The following SAMD10 variants were observed in gnomAD, a reference collection of about 807,000 sequenced individuals.
The protein encoded by SAMD10 is sterile alpha motif domain-containing protein 10.
A neutral mutation model predicts 22.5 loss-of-function variants in SAMD10; 16 were observed. The ratio of observed to expected loss-of-function variants is 0.71; its 90% CI spans 0.48 to 1.08. SAMD10 has a LOEUF of 1.08. Ranked by LOEUF, SAMD10 falls within the 50% of genes least tolerant of loss-of-function variation. The probability of loss-of-function intolerance (pLI) is 0.00; values close to 1 mark genes in which losing one functional copy is unlikely to be tolerated. For missense variants in SAMD10, 227 were observed against 281.3 expected (o/e 0.81, Z 1.38); for synonymous variants, 118 against 122.2 (o/e 0.97, Z 0.23).
chr20:63,978,184 C>G (rs1035641703), intron 1 of SAMD10: 3 of 600,830 alleles, frequency 5.0e-6, no homozygotes, highest in East Asian at 1.3e-4. Context: ...CCTCTTCCCA[C>G]AGTAACTGCA....
chr20:63,976,277 G>A (rs1378331274), intron 3 of SAMD10, among the ~76,000 whole-genome samples: 1 of 152,182 alleles, frequency 6.6e-6, no homozygotes, highest in East Asian at 1.9e-4. Flanking sequence ...CGGGCACAGA[G>A]AGACTCGGAG....
chr20:63,977,148 G>A lies in SAMD10; in HGVS notation c.274-6C>T. On this transcript the variant is annotated splice_polypyrimidine_tract_variant and splice_region_variant and intron_variant, in intron 2 of 4. Coordinates refer to ENST00000369886, the MANE Select transcript of SAMD10 (RefSeq NM_080621.5). This position sits in a 1 kb window ranked among gnomAD's most constrained non-coding sequence, Gnocchi z 5.4. ...TGGTCAGAGTACAGCCGGCCCTGCA[G>A]GGGAGGGGCGTGGCAGGCAGAGTGA... 1 of 1,613,370 alleles carries A rather than the reference G, an allele frequency of 6.2e-7. No homozygotes were observed. Among genetic ancestry groups the A allele is most frequent in the Non-Finnish European group, 8.5e-7 (1 of 1,179,352 alleles).
intron 1 of SAMD10, chr20:63,978,442 G>A: frequency 2.0e-6 from 1 of 496,882 alleles, no homozygotes; most frequent in Admixed American, 2.8e-5. Context: ...CAGGGCAGGT[G>A]AGGTTCCCAC....
intron 1 of SAMD10, chr20:63,978,220 C>T (rs1480413944): frequency 1.1e-6 from 1 of 872,648 alleles, no homozygotes; most frequent in East Asian, 6.2e-5. Flanking sequence ...TGAGCTTTGT[C>T]ATCATCTCTG....
At position 63,975,402 on chromosome 20, in the gene SAMD10, C is replaced by T; in HGVS notation, c.*108G>A. 6 of 1,423,602 alleles carry T rather than the reference C, an allele frequency of 4.2e-6. No homozygotes were observed. The highest frequency in any genetic ancestry group is 4.9e-6 in the Non-Finnish European group (5 of 1,027,752). The allele number at this position is 1,423,602 out of a possible 1,614,324, so 88.2% of individuals were successfully genotyped here. On this transcript the variant is annotated 3_prime_UTR_variant, in exon 5 of 5. Transcript: ENST00000369886. ...CTGTCCGTTGGGCCAGCCTGGCCGC[C>T]CCGGCATCCCGCAGGGTCCAAGAGG...
At position 63,979,011 on chromosome 20, in the gene SAMD10, G is replaced by A. The variant is rs1311809024; in HGVS notation, c.91+366C>T. Among the ~76,000 whole-genome samples, 1 of 152,196 alleles carries A rather than the reference G, an allele frequency of 6.6e-6. No homozygotes were observed. The highest frequency in any genetic ancestry group is 2.4e-5 in the African/African-American group (1 of 41,448). ...CGCCCCAACGTCAGGATTCCAGAAG[G>A]AAATGGGGCGGGGGCACCGAGGCGG... On this transcript the variant is annotated intron_variant, in intron 1 of 4. Coordinates refer to ENST00000369886, the MANE Select transcript of SAMD10 (RefSeq NM_080621.5). This position sits in a 1 kb window ranked among gnomAD's most constrained non-coding sequence, Gnocchi z 7.7.
upstream of SAMD10, chr20:63,979,906 C>T (rs2059052858): frequency 6.4e-6 from 1 of 155,330 alleles, no homozygotes; most frequent in African/African-American, 2.4e-5. The surrounding 1 kb of genome is among the most constrained non-coding windows in gnomAD (Gnocchi z 7.7). Flanking sequence ...TCCTCGGTCT[C>T]CTACGTCTTT....
chr20:63,976,483 C>G (rs1302619271), intron 3 of SAMD10, among the ~76,000 whole-genome samples: 1 of 150,908 alleles, frequency 6.6e-6, no homozygotes, highest in African/African-American at 2.4e-5. Flanking sequence ...GCAGAGAGGT[C>G]CGGACGCAGT....
In SAMD10 at chr20:63,975,424, G is replaced by C. The variant is rs2059015096; in HGVS notation, c.*86C>G. The stretch of plus-strand genomic sequence containing the variant: ...CGCCCCGGCATCCCGCAGGGTCCAA[G>C]AGGCGCTGCGGGGCCAGCTTGGCCT... On this transcript the variant is annotated 3_prime_UTR_variant, in exon 5 of 5. Transcript: ENST00000369886. 2 of 1,557,958 alleles carry C rather than the reference G, an allele frequency of 1.3e-6. No homozygotes were observed. Among genetic ancestry groups the C allele is most frequent in the African/African-American group, 1.4e-5 (1 of 73,348 alleles).
rs1351557628 is a variant in SAMD10, at chr20:63,978,295, A to C, written c.92-889T>G. On this transcript the variant is annotated intron_variant, in intron 1 of 4. Transcript: ENST00000369886. ...GATCCAGGTCTGGTTACAGAGGGGC[A>C]CCCCACATTCATTGTCAATGAATGA... 5 of 1,302,728 alleles carry C rather than the reference A, an allele frequency of 3.8e-6. No homozygotes were observed. The South Asian group carries it at 6.2e-5, about 16-fold the overall frequency. 80.7% of individuals were successfully genotyped at this position (1,302,728 alleles called of 1,614,324 possible). A position where few individuals can be genotyped will look rare whatever the true frequency, so the allele number is the denominator to read the frequency against.
At position 63,977,327 on chromosome 20, in the gene SAMD10, C is replaced by T; in HGVS notation, c.171G>A (p.Arg57=). Residue 57 remains arginine, a synonymous_variant, in exon 2 of 5, where the codon CGG becomes CGA. Transcript: ENST00000369886. This position sits in a 1 kb window ranked among gnomAD's most constrained non-coding sequence, Gnocchi z 5.4. ...GCCACGTGAGGCTGGTGCCAGGTGT[C>T]CGAGGCAAGTGGCAGGGGATGCTCT... ...SAESIPCHLP[R]TPGTSLTWHD... 6.2e-7 allele frequency: 1 copy of T among 1,613,484 alleles called. No individual in the cohort carries two copies. The highest frequency in any genetic ancestry group is 8.5e-7 in the Non-Finnish European group (1 of 1,180,028).
chr20:63,976,412 C>T (rs777788509), intron 3 of SAMD10, among the ~76,000 whole-genome samples: 11 of 151,670 alleles, frequency 7.3e-5, no homozygotes, highest in African/African-American at 1.7e-4. Flanking sequence ...AAGGCAGGGA[C>T]GGAACAGAGA....
rs950224406 is a variant in SAMD10 at position 63,975,945 on chromosome 20, G to A, written c.446-113C>T. 1.5e-5 allele frequency: 18 copies of A among 1,200,478 alleles called. 1 individual carries two copies. In the South Asian group the frequency reaches 2.9e-4, roughly 19 times the overall value. The allele number at this position is 1,200,478 out of a possible 1,614,324, so 74.4% of individuals were successfully genotyped here. ...CCCAGCACTTTGGGAGGCCGAGGCG[G>A]GCAGATCACTTGAGGTCAGGAGTTC... On this transcript the variant is annotated intron_variant, in intron 3 of 4. Transcript: ENST00000369886.
At chr20:63,976,468 G>A (rs2059022916) in intron 3 of SAMD10, among the ~76,000 whole-genome samples, 1 of 151,646 alleles carries the variant, frequency 6.6e-6, no homozygotes, top group Admixed American at 6.6e-5. Context: ...AGACACAGAA[G>A]AAAGGCAGAG....
chr20:63,976,041 T>C (rs1601497856), intron 3 of SAMD10, among the ~76,000 whole-genome samples: 1 of 152,164 alleles, frequency 6.6e-6, no homozygotes, highest in African/African-American at 2.4e-5. Context: ...GGCTTGGTGG[T>C]GTGCGCCTGT....
intron 3 of SAMD10, among the ~76,000 whole-genome samples, chr20:63,976,187 A>AGAC (rs1555914997): frequency 3.3e-5 from 5 of 151,714 alleles, no homozygotes; most frequent in Non-Finnish European, 7.4e-5. Flanking sequence ...ACAAACAAAC[A>AGAC]AACAAACAAC....
rs755869051 is a variant in SAMD10, at chr20:63,977,307, G to T, written c.191C>A (p.Thr64Lys). ...HLPRTPGTSL[T>K]WHDSRSQRAA... ...CCTCTGGCTGCGGGAGTCATGCCAC[G>T]TGAGGCTGGTGCCAGGTGTCCGAGG... The change falls in exon 2 of 5, where the codon ACG becomes AAG. Residue 64 changes from threonine (T) to lysine (K), a missense_variant. Coordinates refer to ENST00000369886, the MANE Select transcript of SAMD10 (RefSeq NM_080621.5). The surrounding 1 kb of genome is among the most constrained non-coding windows in gnomAD (Gnocchi z 5.4). 2.5e-6 allele frequency: 4 copies of T among 1,613,422 alleles called. No homozygotes were observed. The African/African-American group carries it at 4.0e-5, about 16-fold the overall frequency.
Position 63,979,506 on chromosome 20 carries a change from C to T in SAMD10, c.-39G>A, listed in dbSNP as rs1272002178. 5 of 1,223,712 alleles carry T rather than the reference C, an allele frequency of 4.1e-6. No individual in the cohort carries two copies. Among genetic ancestry groups the T allele is most frequent in the Admixed American group, 4.6e-5 (1 of 21,524 alleles). The allele number at this position is 1,223,712 out of a possible 1,614,324, so 75.8% of individuals were successfully genotyped here. A position where few individuals can be genotyped will look rare whatever the true frequency, so the allele number is the denominator to read the frequency against. On this transcript the variant is annotated 5_prime_UTR_variant, in exon 1 of 5. Coordinates refer to ENST00000369886, the MANE Select transcript of SAMD10 (RefSeq NM_080621.5). The surrounding 1 kb of genome is among the most constrained non-coding windows in gnomAD (Gnocchi z 7.7). The stretch of plus-strand genomic sequence containing the variant: ...GCCAGGCCCGCGCACACGCCCCTCG[C>T]CGAGTGCAGGGCGGCCGGTGTGGCC...
rs961468582 is a variant in SAMD10, at chr20:63,977,480, C to T, written c.92-74G>A. 9.7e-6 allele frequency: 14 copies of T among 1,450,200 alleles called. No individual in the cohort carries two copies. Among genetic ancestry groups the T allele is most frequent in the African/African-American group, 7.0e-5 (5 of 71,662 alleles). The allele number at this position is 1,450,200 out of a possible 1,614,324, so 89.8% of individuals were successfully genotyped here. A position where few individuals can be genotyped will look rare whatever the true frequency, so the allele number is the denominator to read the frequency against. ...CTTCCTCTACTTGAGAGCTAGCTCC[C>T]TGCCCCATCTCCTCCACACTAGTGC... On this transcript the variant is annotated intron_variant, in intron 1 of 4. Transcript: ENST00000369886. This position sits in a 1 kb window ranked among gnomAD's most constrained non-coding sequence, Gnocchi z 5.4.
Sources: gnomAD v4.1 joint callset for allele counts (sites outside exome capture counted in the v4.1 genomes callset) on GRCh38, gnomAD v4.1.1 for gene constraint, Gnocchi (gnomAD v3.1) non-coding constraint, MANE v1.5 for transcripts, NCBI Gene and HGNC (gene_info 2026-07-23, HGNC 2026-07-21) for gene names.